Variants in PLD1 observed in about 807,000 individuals in gnomAD.
The protein encoded by PLD1 is choline phosphatase 1.
A neutral mutation model predicts 137.1 loss-of-function variants in PLD1; 112 were observed. The ratio of observed to expected loss-of-function variants is 0.82; its 90% confidence interval spans 0.70 to 0.96. PLD1 has a LOEUF of 0.96. PLD1 is among the 40% of genes least tolerant of loss of function. The pLI is 0.00. For synonymous variants in PLD1, 431 were observed against 454.7 expected (o/e 0.95, Z 0.66); for missense variants, 1,321 against 1,342.0 (o/e 0.98, Z 0.24).
intron 12 of PLD1, among the ~76,000 whole-genome samples, chr3:171,698,661 G>A (rs1026542156): frequency 1.3e-5 from 2 of 151,946 alleles, no homozygotes; most frequent in African/African-American, 4.8e-5. Flanking sequence ...TTTAATGACA[G>A]AATAAAAAAA....
Position 171,699,800 on chromosome 3 carries a change from C to T in PLD1, c.1172G>A (p.Arg391His), listed in dbSNP as rs750933266. Residue 391 changes from arginine to histidine, a missense_variant, in exon 12 of 27, where the codon CGC becomes CAC. Coordinates refer to ENST00000351298, the MANE Select transcript of PLD1 (RefSeq NM_002662.5). ...CCAACGATTTCCCTCAACCACTGGG[C>T]GTTTCAGGAAGATTTCTGGACTCAG... ...WWLSPEIFLK[R>H]PVVEGNRWRL... 3 of 1,613,690 alleles carry T rather than the reference C, an allele frequency of 1.9e-6. No homozygotes were observed. Among genetic ancestry groups the T allele is most frequent in the Admixed American group, 1.7e-5 (1 of 59,992 alleles).
intron 17 of PLD1, 123 bp downstream of exon 17, chr3:171,677,443 A>C: frequency 1.0e-6 from 1 of 1,000,310 alleles, no homozygotes; most frequent in Non-Finnish European, 1.5e-6. Context: ...AAAGTTTTAA[A>C]AAATTTTCAA....
chr3:171,804,796 C>G (rs2141747), intron 1 of PLD1, among the ~76,000 whole-genome samples: 123,779 of 151,812 alleles, frequency 0.82, 50,720 homozygotes, highest in Middle Eastern at 0.94. Flanking sequence ...AAGATCATCT[C>G]CAACTGCTTA....
chr3:171,744,798 T>G lies in PLD1; in HGVS notation c.-31-6716A>C, dbSNP rs560787012. 5.2e-4 allele frequency among the ~76,000 whole-genome samples: 79 copies of G among 152,358 alleles called. 1 individual carries two copies. Among genetic ancestry groups the G allele is most frequent in the African/African-American group, 1.8e-3 (73 of 41,584 alleles). The stretch of plus-strand genomic sequence containing the variant: ...AGTAAGTATGTCATTAGGATACTTC[T>G]GATAATGATCTATCCCAGCCATTTT... On this transcript the variant is annotated intron_variant, in intron 1 of 26. Transcript: ENST00000351298.
At chr3:171,607,658 CA>C (rs1560139138) in intron 25 of PLD1, among the ~76,000 whole-genome samples, 1 of 151,884 alleles carries the variant, frequency 6.6e-6, no homozygotes, top group Non-Finnish European at 1.5e-5. Context: ...GCTTATTCAT[CA>C]AAAAAAGTGG....
intron 20 of PLD1, 62 bp from the exon 21 acceptor site, chr3:171,659,363 C>A: frequency 1.0e-6 from 1 of 998,242 alleles, no homozygotes; most frequent in African/African-American, 1.6e-5. Flanking sequence ...TACGTAAGAA[C>A]AATACTGTAA....
rs1731764216 is a variant in PLD1, at chr3:171,600,409, T to A, written c.*2669A>T. The A allele has an allele frequency of 6.6e-6, 1 of 152,190 alleles. No homozygotes were observed. The highest frequency in any genetic ancestry group is 2.4e-5 in the African/African-American group (1 of 41,438). 9.4% of individuals were successfully genotyped at this position (152,190 alleles called of 1,614,324 possible). ...TTACAGAAATTAGCAGGATGTCAGG[T>A]ATATAGCATTTATAGGCATTTCAAA... On this transcript the variant is annotated 3_prime_UTR_variant, in exon 27 of 27. Coordinates refer to ENST00000351298, the MANE Select transcript of PLD1 (RefSeq NM_002662.5).
At position 171,735,515 on chromosome 3, in the gene PLD1, G is replaced by A; in HGVS notation, c.411C>T (p.Ile137=). The change falls in exon 4 of 27, where the codon ATC becomes ATT. Residue 137 remains isoleucine, a synonymous_variant. Coordinates refer to ENST00000351298, the MANE Select transcript of PLD1 (RefSeq NM_002662.5). Reference sequence around the variant, plus strand: ...ACCTTCTAGTGGGAATGGGGATGCGGATAAAGGCTTTGTACTTGAGCAGCT... The same window carrying A: ...ACCTTCTAGTGGGAATGGGGATGCGAATAAAGGCTTTGTACTTGAGCAGCT... ...HRELLKYKAF[I]RIPIPTRRHT... is the part of the protein sequence containing the mutation. 2 of 1,613,490 alleles carry A rather than the reference G, an allele frequency of 1.2e-6. No homozygotes were observed. The highest frequency in any genetic ancestry group is 1.3e-5 in the African/African-American group (1 of 74,996).
chr3:171,723,313 T>C (rs1455110001), intron 8 of PLD1, among the ~76,000 whole-genome samples: 1 of 152,220 alleles, frequency 6.6e-6, no homozygotes, highest in East Asian at 1.9e-4. Context: ...ATCTCATTCT[T>C]TTCTATGGCT....
chr3:171,713,053 T>C (rs1365602628), intron 9 of PLD1, among the ~76,000 whole-genome samples: 1 of 152,214 alleles, frequency 6.6e-6, no homozygotes, highest in East Asian at 1.9e-4. Flanking sequence ...GACAAATGGA[T>C]ATATATGTAT....
intron 24 of PLD1, among the ~76,000 whole-genome samples, chr3:171,617,298 A>G (rs1733196111): frequency 6.6e-6 from 1 of 152,196 alleles, no homozygotes; most frequent in African/African-American, 2.4e-5. Flanking sequence ...GCCACAGTGA[A>G]GCCTGCTCTT....
chr3:171,682,082 A>C (rs562968385), intron 16 of PLD1, among the ~76,000 whole-genome samples: 1 of 149,272 alleles, frequency 6.7e-6, no homozygotes, highest in South Asian at 2.1e-4. Context: ...CGTGTATCCC[A>C]GAACTTAAAG....
intron 24 of PLD1, among the ~76,000 whole-genome samples, chr3:171,616,088 C>T (rs899475806): frequency 4.6e-5 from 7 of 152,310 alleles, no homozygotes; most frequent in South Asian, 2.1e-4. Flanking sequence ...AACATTTTTT[C>T]ACATGCTTAT....
chr3:171,726,337 G>A (rs935011266), intron 6 of PLD1, among the ~76,000 whole-genome samples: 2 of 150,368 alleles, frequency 1.3e-5, no homozygotes, highest in Admixed American at 1.3e-4. Flanking sequence ...AAGAAGCTTG[G>A]AGAGAGAGAG....
At chr3:171,626,513 T>C (rs1734121880) in intron 23 of PLD1, among the ~76,000 whole-genome samples, 4 of 152,212 alleles carry the variant, frequency 2.6e-5, no homozygotes, top group South Asian at 4.2e-4. Context: ...GCCACAAAGA[T>C]ACTCCTCGAG....
chr3:171,609,550 AC>A (rs1732489553), intron 25 of PLD1, among the ~76,000 whole-genome samples: 1 of 143,298 alleles, frequency 7.0e-6, no homozygotes, highest in Non-Finnish European at 1.5e-5. Context: ...ACACACACAC[AC>A]ACACCAGAGA....
chr3:171,803,385 C>T (rs1474584963), intron 1 of PLD1, among the ~76,000 whole-genome samples: 1 of 152,176 alleles, frequency 6.6e-6, no homozygotes, highest in East Asian at 1.9e-4. Flanking sequence ...CTCGGATATA[C>T]CCCCTGGGCA....
chr3:171,805,151 T>G (rs1723795928), intron 1 of PLD1, among the ~76,000 whole-genome samples: 1 of 152,210 alleles, frequency 6.6e-6, no homozygotes, highest in Non-Finnish European at 1.5e-5. Flanking sequence ...TAAGTTATTT[T>G]TATTTCCATG....
At chr3:171,660,901 G>T (rs543756381) in intron 20 of PLD1, among the ~76,000 whole-genome samples, 1 of 152,098 alleles carries the variant, frequency 6.6e-6, no homozygotes, top group Admixed American at 6.5e-5. Flanking sequence ...GAGCCACCGT[G>T]CCCGGCCAGA....
Sources: gnomAD v4.1 joint callset for allele counts (sites outside exome capture counted in the v4.1 genomes callset) on GRCh38, gnomAD v4.1.1 for gene constraint, MANE v1.5 for transcripts, NCBI Gene and HGNC (gene_info 2026-07-23, HGNC 2026-07-21) for gene names.